The following DMD variants were observed in gnomAD, a reference collection of about 807,000 sequenced individuals.
DMD encodes the protein dystrophin.
In DMD, 63 loss-of-function variants were observed where a neutral mutation model predicts 330.1. The observed-to-expected ratio is 0.19, with a 90% CI of 0.16 to 0.24. The LOEUF (loss-of-function observed/expected upper bound fraction) is 0.24, where lower values mean the gene tolerates loss of function less well. Among genes scored for constraint, DMD ranks in the 10% least tolerant of loss-of-function variants. The probability of loss-of-function intolerance (pLI) is 1.00; values close to 1 mark genes in which losing one functional copy is unlikely to be tolerated. For synonymous variants in DMD, 1,223 were observed against 959.8 expected, an observed-to-expected ratio of 1.27 and a Z score of -5.07; for missense variants, 3,344 against 2,684.1, an observed-to-expected ratio of 1.25 and a Z score of -5.43.
chrX:32,499,066 T>C (rs1245623578), intron 19 of DMD, among the ~76,000 whole-genome samples: 1 of 112,170 alleles, frequency 8.9e-6, no homozygotes, highest in Non-Finnish European at 1.9e-5. Flanking sequence ...ATATGTCTGA[T>C]GTACCATTTC....
chrX:32,156,046 T>C (rs773100190), intron 44 of DMD, among the ~76,000 whole-genome samples: 29 of 109,757 alleles, frequency 2.6e-4, no homozygotes, highest in Non-Finnish European at 4.5e-4. Flanking sequence ...ATATACATTA[T>C]ATCAATGAGT....
intron 51 of DMD, among the ~76,000 whole-genome samples, chrX:31,755,390 T>A (rs1258502071): frequency 8.9e-6 from 1 of 112,094 alleles, no homozygotes. Flanking sequence ...ATTCTAGTTG[T>A]CTGATGCCTT....
intron 44 of DMD, among the ~76,000 whole-genome samples, chrX:32,107,655 C>T (rs1020593406): frequency 1.0e-4 from 11 of 110,528 alleles, no homozygotes; most frequent in African/African-American, 3.6e-4. Flanking sequence ...TTCTTCTATT[C>T]AGGCCTTTAA....
At chrX:31,838,514 C>T (rs996650017) in intron 48 of DMD, among the ~76,000 whole-genome samples, 1 of 111,943 alleles carries the variant, frequency 8.9e-6, no homozygotes, top group African/African-American at 3.2e-5. Context: ...CACCACCATT[C>T]ATTTTGTATG....
chrX:32,180,410 G>C (rs769185344), intron 44 of DMD, among the ~76,000 whole-genome samples: 2 of 111,508 alleles, frequency 1.8e-5, no homozygotes, highest in East Asian at 5.7e-4. Context: ...TAAATGAGTA[G>C]GTGTTTATTA....
intron 33 of DMD, among the ~76,000 whole-genome samples, chrX:32,385,459 A>G (rs919823057): frequency 9.0e-6 from 1 of 110,961 alleles, no homozygotes; most frequent in African/African-American, 3.3e-5. Flanking sequence ...GAAAACAGGA[A>G]AAAGCTTCCT....
intron 74 of DMD, among the ~76,000 whole-genome samples, chrX:31,159,905 A>G (rs746905880): frequency 8.3e-4 from 93 of 112,461 alleles, no homozygotes; most frequent in Non-Finnish European, 1.6e-3. Context: ...TTTGTAACTT[A>G]TACCTTAATC....
chrX:31,335,197 A>G (rs1487233130), intron 61 of DMD, among the ~76,000 whole-genome samples: 1 of 112,586 alleles, frequency 8.9e-6, no homozygotes, highest in Non-Finnish European at 1.9e-5. Flanking sequence ...TTTGATTTAC[A>G]TTGGTCATTC....
intron 52 of DMD, among the ~76,000 whole-genome samples, chrX:31,709,584 C>CTGTGTGTGTG (rs55768943): frequency 7.9e-4 from 74 of 94,051 alleles, no homozygotes; most frequent in African/African-American, 2.0e-3. Flanking sequence ...CTCTCTCTGT[C>CTGTGTGTGTG]TGTGTGTGTG....
chrX:32,374,438 G>T (rs760370799), intron 34 of DMD, among the ~76,000 whole-genome samples: 1 of 111,447 alleles, frequency 9.0e-6, no homozygotes, highest in Non-Finnish European at 1.9e-5. Flanking sequence ...TAGTTTCAGG[G>T]CTTACATTTA....
chrX:31,346,249 T>C (rs1273182340), intron 61 of DMD, among the ~76,000 whole-genome samples: 1 of 111,746 alleles, frequency 8.9e-6, no homozygotes, highest in Non-Finnish European at 1.9e-5. Context: ...TGTATGAATG[T>C]GTGCCTCAGT....
At chrX:31,210,761 A>G (rs2044584297) in intron 64 of DMD, among the ~76,000 whole-genome samples, 1 of 112,461 alleles carries the variant, frequency 8.9e-6, no homozygotes. Flanking sequence ...TCCCAGTAAT[A>G]AAGAAATGCA....
chrX:32,428,427 T>C (rs1315814091), intron 29 of DMD, among the ~76,000 whole-genome samples: 1 of 111,766 alleles, frequency 8.9e-6, no homozygotes, highest in Non-Finnish European at 1.9e-5. Context: ...TGGGGTTCTC[T>C]ATACAGTCTT....
chrX:31,988,528 A>G (rs1167875001), intron 44 of DMD, among the ~76,000 whole-genome samples: 2 of 107,720 alleles, frequency 1.9e-5, no homozygotes, highest in Non-Finnish European at 3.8e-5. Context: ...ATTTAAAAAT[A>G]GCAACACTAA....
intron 52 of DMD, among the ~76,000 whole-genome samples, chrX:31,719,812 C>T (rs771040575): frequency 9.0e-6 from 1 of 111,302 alleles, no homozygotes; most frequent in African/African-American, 3.3e-5. Flanking sequence ...TGGAGGAACT[C>T]GTTTAGAGGG....
In DMD at chrX:32,745,800, G is replaced by A. The variant is rs151305427; in HGVS notation, c.650-46507C>T. ...AGTAATTCAGTTTCACTATGATCAC[G>A]ATTTGTATAAGTAATGTAGTCATAT... On this transcript the variant is annotated intron_variant, in intron 7 of 78. Transcript: ENST00000357033. Among the ~76,000 whole-genome samples, 994 of 112,167 alleles carry A rather than the reference G, an allele frequency of 8.9e-3. 8 individuals carry two copies. The highest frequency in any genetic ancestry group is 0.03 in the Admixed American group (316 of 10,556).
At chrX:31,419,817 C>A (rs1408774192) in intron 60 of DMD, among the ~76,000 whole-genome samples, 2 of 111,940 alleles carry the variant, frequency 1.8e-5, no homozygotes, top group African/African-American at 3.3e-5. Context: ...CCAACATGTT[C>A]ATTGGCATAG....
intron 16 of DMD, among the ~76,000 whole-genome samples, chrX:32,553,423 AGAG>A (rs2049812285): frequency 9.2e-6 from 1 of 109,246 alleles, no homozygotes; most frequent in Non-Finnish European, 1.9e-5. Flanking sequence ...CTGGAGGGTA[AGAG>A]GAGGGTGAGG....
At chrX:32,501,734 T>G (rs1381476694) in intron 19 of DMD, 21 bp downstream of exon 19, 1 of 1,146,559 alleles carries the variant, frequency 8.7e-7, no homozygotes, top group East Asian at 3.0e-5. Flanking sequence ...GAAGATTATC[T>G]AAATCAACTC....
Sources: gnomAD v4.1 joint callset for allele counts (sites outside exome capture counted in the v4.1 genomes callset) on GRCh38, gnomAD v4.1.1 for gene constraint, MANE v1.5 for transcripts, NCBI Gene and HGNC (gene_info 2026-07-23, HGNC 2026-07-21) for gene names.